The following FARSB variants were observed in gnomAD, a reference collection of about 807,000 sequenced individuals.
The protein encoded by FARSB is phenylalanyl-tRNA synthetase subunit beta.
FARSB carries 40 observed loss-of-function variants against 69.6 expected under a neutral mutation model. The observed-to-expected ratio is 0.57, with a 90% CI of 0.45 to 0.75. The LOEUF (loss-of-function observed/expected upper bound fraction) is 0.75. Among genes scored for constraint, FARSB ranks in the 30% least tolerant of loss-of-function variants. The pLI is 0.00. For missense variants in FARSB, 632 were observed against 722.9 expected (o/e 0.87, Z 1.44); for synonymous variants, 235 against 247.2 (o/e 0.95, Z 0.46).
chr2:222,599,694 C>T (rs1056186240), intron 16 of FARSB, among the ~76,000 whole-genome samples: 1 of 152,160 alleles, frequency 6.6e-6, no homozygotes, highest in African/African-American at 2.4e-5. Context: ...CTAGGGGTTA[C>T]AGCTCAGTTG....
intron 13 of FARSB, among the ~76,000 whole-genome samples, chr2:222,622,048 C>T (rs544746502): frequency 6.6e-6 from 1 of 152,234 alleles, no homozygotes; most frequent in South Asian, 2.1e-4. Flanking sequence ...CAGGCATGGG[C>T]GGGAATCCCT....
At chr2:222,631,484 T>G in intron 8 of FARSB, 120 bp downstream of exon 8, 1 of 690,582 alleles carries the variant, frequency 1.4e-6, no homozygotes, top group Non-Finnish European at 2.6e-6. Context: ...TGTCTAAATT[T>G]CTAAAATATG....
At chr2:222,652,093 A>G (rs1193904017) in intron 1 of FARSB, among the ~76,000 whole-genome samples, 3 of 152,206 alleles carry the variant, frequency 2.0e-5, no homozygotes, top group Non-Finnish European at 2.9e-5. Flanking sequence ...ACTGTATGTT[A>G]GGTATATGTG....
At chr2:222,655,137 T>C (rs1206257350) in intron 1 of FARSB, among the ~76,000 whole-genome samples, 1 of 151,852 alleles carries the variant, frequency 6.6e-6, no homozygotes, top group Non-Finnish European at 1.5e-5. Flanking sequence ...CGGAGGTTGC[T>C]GTCAGCCGAG....
chr2:222,601,289 AT>A (rs1690551311), intron 15 of FARSB, among the ~76,000 whole-genome samples: 1 of 152,088 alleles, frequency 6.6e-6, no homozygotes, highest in Non-Finnish European at 1.5e-5. Flanking sequence ...AATAATAATA[AT>A]TTTTTAAAGT....
At position 222,569,438 on chromosome 2, in the gene FARSB, A is replaced by T. The variant is rs1689678914; in HGVS notation, c.*2433T>A. On this transcript the variant is annotated 3_prime_UTR_variant, in exon 17 of 17. Coordinates refer to ENST00000281828, the MANE Select transcript of FARSB (RefSeq NM_005687.5). ...TGTGGACCAGTGAGCCACCTTGAGC[A>T]CAACTGCCAATTCTACAGTTCAGGC... The T allele has an allele frequency of 1.3e-5, 2 of 152,244 alleles. No homozygotes were observed. Among genetic ancestry groups the T allele is most frequent in the Non-Finnish European group, 1.5e-5 (1 of 68,038 alleles). 9.4% of individuals were successfully genotyped at this position (152,244 alleles called of 1,614,324 possible).
At chr2:222,608,358 T>C (rs1163698815) in intron 15 of FARSB, among the ~76,000 whole-genome samples, 1 of 152,132 alleles carries the variant, frequency 6.6e-6, no homozygotes. Flanking sequence ...ACAATGAAAA[T>C]GCTTTTATTG....
At chr2:222,636,974 C>A (rs955019710) in intron 5 of FARSB, among the ~76,000 whole-genome samples, 2 of 151,966 alleles carry the variant, frequency 1.3e-5, no homozygotes, top group African/African-American at 2.4e-5. Context: ...AAAGCTGCTA[C>A]TAAAAAATGT....
rs753170818 is a variant in FARSB at position 222,567,172 on chromosome 2, C to T, written c.*4699G>A. The T allele has an allele frequency of 6.6e-6, 1 of 152,216 alleles. No homozygotes were observed. Among genetic ancestry groups the T allele is most frequent in the South Asian group, 2.1e-4 (1 of 4,832 alleles). The allele number at this position is 152,216 out of a possible 1,614,324, so 9.4% of individuals were successfully genotyped here. On this transcript the variant is annotated 3_prime_UTR_variant, in exon 17 of 17. Transcript: ENST00000281828. ...CTAGCTCTAATCACCTGCCAAAGGC[C>T]TCATCTCCAAAGACCATCACACTGG...
intron 16 of FARSB, among the ~76,000 whole-genome samples, chr2:222,591,063 G>A (rs1690257204): frequency 1.3e-5 from 2 of 152,066 alleles, no homozygotes; most frequent in South Asian, 4.1e-4. Flanking sequence ...AGAATTAGCT[G>A]GGTGTGGTAG....
intron 14 of FARSB, 48 bp downstream of exon 14, chr2:222,619,597 A>T: frequency 1.1e-6 from 1 of 896,430 alleles, no homozygotes; most frequent in Non-Finnish European, 1.9e-6. Context: ...TAACTCATGT[A>T]CTACCTCTAG....
chr2:222,653,432 A>G (rs10194743), intron 1 of FARSB, among the ~76,000 whole-genome samples: 93,472 of 144,148 alleles, frequency 0.65, 29,757 homozygotes, highest in Middle Eastern at 0.82. Flanking sequence ...AAGACTGGGG[A>G]AAAAAAAAAA....
At chr2:222,607,139 G>A (rs969655673) in intron 15 of FARSB, among the ~76,000 whole-genome samples, 5 of 152,180 alleles carry the variant, frequency 3.3e-5, no homozygotes, top group Non-Finnish European at 7.4e-5. Context: ...AGAATCTTGT[G>A]AAGACATAAT....
At chr2:222,650,844 G>T (rs895065983) in intron 1 of FARSB, among the ~76,000 whole-genome samples, 1 of 152,128 alleles carries the variant, frequency 6.6e-6, no homozygotes, top group Non-Finnish European at 1.5e-5. Context: ...GCTACTCCCC[G>T]ATTCCTGTCT....
At chr2:222,574,125 ATT>A (rs1271563079) in intron 16 of FARSB, among the ~76,000 whole-genome samples, 1 of 152,022 alleles carries the variant, frequency 6.6e-6, no homozygotes, top group East Asian at 1.9e-4. Context: ...AGAGCTTAGA[ATT>A]TTTACTTCAT....
chr2:222,627,911 TG>T (rs1270398816), intron 10 of FARSB, among the ~76,000 whole-genome samples: 2 of 152,214 alleles, frequency 1.3e-5, no homozygotes, highest in African/African-American at 4.8e-5. Context: ...CATCAAAGAA[TG>T]CTCTCACTGA....
intron 15 of FARSB, among the ~76,000 whole-genome samples, chr2:222,602,645 T>C (rs1051645174): frequency 2.6e-5 from 4 of 151,810 alleles, no homozygotes; most frequent in South Asian, 2.1e-4. Context: ...TATTATACTT[T>C]AAGTTTTAGG....
At chr2:222,641,953 T>C (rs555042693) in intron 3 of FARSB, among the ~76,000 whole-genome samples, 1 of 152,256 alleles carries the variant, frequency 6.6e-6, no homozygotes, top group South Asian at 2.1e-4. Flanking sequence ...ATAAAAACAA[T>C]TTTTAATAGC....
At chr2:222,597,936 T>A (rs1435597129) in intron 16 of FARSB, among the ~76,000 whole-genome samples, 1 of 152,210 alleles carries the variant, frequency 6.6e-6, no homozygotes, top group Non-Finnish European at 1.5e-5. Context: ...CTGCAGCCTT[T>A]CCCTAGCATT....
Sources: gnomAD v4.1 joint callset for allele counts (sites outside exome capture counted in the v4.1 genomes callset) on GRCh38, gnomAD v4.1.1 for gene constraint, MANE v1.5 for transcripts, NCBI Gene and HGNC (gene_info 2026-07-23, HGNC 2026-07-21) for gene names.